Variants in CUL3 observed in about 807,000 individuals in gnomAD.
The protein encoded by CUL3 is cullin-3.
Under a neutral mutation model 89.1 loss-of-function variants are expected in CUL3, and 19 were observed. The ratio of observed to expected loss-of-function variants is 0.21; its 90% CI spans 0.15 to 0.31. The LOEUF is 0.31. CUL3 is among the 10% of genes least tolerant of loss of function. The probability of loss-of-function intolerance (pLI) is 1.00; values close to 1 mark genes in which losing one functional copy is unlikely to be tolerated. For synonymous variants in CUL3, 351 were observed against 308.4 expected, an observed-to-expected ratio of 1.14 and a Z score of -1.45; for missense variants, 469 against 942.3, an observed-to-expected ratio of 0.50 and a Z score of 6.58.
At chr2:224,490,428 C>G (rs985899898) in intron 13 of CUL3, among the ~76,000 whole-genome samples, 2 of 152,072 alleles carry the variant, frequency 1.3e-5, no homozygotes, top group Non-Finnish European at 2.9e-5. Flanking sequence ...ACACTCCTTA[C>G]CCTGCCCCTT....
intron 10 of CUL3, among the ~76,000 whole-genome samples, chr2:224,501,791 A>G (rs1392026011): frequency 6.6e-6 from 1 of 152,216 alleles, no homozygotes; most frequent in Non-Finnish European, 1.5e-5. Context: ...TGGACAGTCC[A>G]TCCATCCCAT....
At chr2:224,526,269 T>C (rs533442708) in intron 3 of CUL3, among the ~76,000 whole-genome samples, 1 of 152,300 alleles carries the variant, frequency 6.6e-6, no homozygotes, top group East Asian at 1.9e-4. Context: ...TACAAGTTCA[T>C]TCCCTTTACT....
chr2:224,556,696 T>C (rs1694719211), intron 2 of CUL3, among the ~76,000 whole-genome samples: 1 of 152,196 alleles, frequency 6.6e-6, no homozygotes, highest in African/African-American at 2.4e-5. Flanking sequence ...AACTGCCTGA[T>C]TTTGATCATT....
intron 2 of CUL3, among the ~76,000 whole-genome samples, chr2:224,538,673 G>A (rs978601083): frequency 2.0e-5 from 3 of 152,196 alleles, no homozygotes; most frequent in Non-Finnish European, 4.4e-5. Context: ...TGGAATTTGA[G>A]GGGAGAGACA....
chr2:224,567,493 A>G (rs1695071330), intron 1 of CUL3, among the ~76,000 whole-genome samples: 1 of 152,038 alleles, frequency 6.6e-6, no homozygotes. Flanking sequence ...TAATCCCAGC[A>G]CCTTGGGAGG....
chr2:224,509,865 C>T (rs1296863898), intron 6 of CUL3, among the ~76,000 whole-genome samples: 2 of 152,164 alleles, frequency 1.3e-5, no homozygotes, highest in Non-Finnish European at 2.9e-5. Flanking sequence ...CCCAGTCTAC[C>T]AGAGACCACT....
rs149624499 is a variant in CUL3 at position 224,546,086 on chromosome 2, A to G, written c.265-10445T>C. 4.8e-3 allele frequency among the ~76,000 whole-genome samples: 726 copies of G among 152,318 alleles called. 7 individuals are homozygous for G. The highest frequency in any genetic ancestry group is 0.015 in the African/African-American group (620 of 41,584). On this transcript the variant is annotated intron_variant, in intron 2 of 15. Transcript: ENST00000264414. Reference sequence around the variant, plus strand: ...AAAGGAATGCAGAAAGAAAAATGACAGTACACCACAGAAAAACACCACTAT... The same window carrying G: ...AAAGGAATGCAGAAAGAAAAATGACGGTACACCACAGAAAAACACCACTAT...
intron 1 of CUL3, chr2:224,560,461 C>T (rs142072182): frequency 1.2e-4 from 19 of 152,910 alleles, no homozygotes; most frequent in African/African-American, 4.1e-4. Context: ...CAGAACTCCT[C>T]ATCTTTTCCC....
intron 9 of CUL3, 62 bp from the exon 10 acceptor site, chr2:224,503,134 G>GA (rs1473670829): frequency 1.9e-6 from 2 of 1,048,122 alleles, no homozygotes; most frequent in Non-Finnish European, 2.9e-6. Context: ...AGAAAGTACA[G>GA]AAAGAAATAA....
chr2:224,529,842 G>A (rs933286522), intron 3 of CUL3, among the ~76,000 whole-genome samples: 1 of 152,060 alleles, frequency 6.6e-6, no homozygotes, highest in Non-Finnish European at 1.5e-5. Context: ...TTGAACAATC[G>A]TTACCTCCAT....
At chr2:224,570,016 T>A (rs1441546691) in intron 1 of CUL3, among the ~76,000 whole-genome samples, 1 of 150,444 alleles carries the variant, frequency 6.6e-6, no homozygotes, top group African/African-American at 2.4e-5. Flanking sequence ...CAGTATTTTT[T>A]AAATCTGATA....
At chr2:224,578,533 T>C (rs1218589335) in intron 1 of CUL3, among the ~76,000 whole-genome samples, 2 of 152,126 alleles carry the variant, frequency 1.3e-5, no homozygotes, top group African/African-American at 4.8e-5. Flanking sequence ...ATATACATCA[T>C]TGTTATAATT....
chr2:224,507,361 C>T (rs1450027321), intron 6 of CUL3, among the ~76,000 whole-genome samples: 10 of 152,066 alleles, frequency 6.6e-5, no homozygotes, highest in Non-Finnish European at 7.4e-5. Context: ...TCCTACATAA[C>T]TCTAATGCAG....
Position 224,509,880 on chromosome 2 carries a change from G to A in CUL3, c.883+1474C>T, listed in dbSNP as rs1283827325. On this transcript the variant is annotated intron_variant, in intron 6 of 15. Coordinates refer to ENST00000264414, the MANE Select transcript of CUL3 (RefSeq NM_003590.5). ...CCCAGTCTACCAGAGACCACTTAGA[G>A]AAGGGTCATCGAATTAGAACCCGTG... Among the ~76,000 whole-genome samples, 9 of 152,332 alleles carry A rather than the reference G, an allele frequency of 5.9e-5. No individual in the cohort carries two copies. The East Asian group carries it at 1.2e-3, about 20-fold the overall frequency.
intron 4 of CUL3, 49 bp downstream of exon 4, chr2:224,514,563 G>C (rs373097864): frequency 1.4e-6 from 2 of 1,466,380 alleles, no homozygotes; most frequent in Non-Finnish European, 1.9e-6. Context: ...TCGTTCTCAA[G>C]ATATAATCAC....
chr2:224,477,047 T>C (rs1034544815), intron 15 of CUL3, among the ~76,000 whole-genome samples: 1 of 151,920 alleles, frequency 6.6e-6, no homozygotes, highest in Non-Finnish European at 1.5e-5. Flanking sequence ...AAAGTGTTTA[T>C]TCAACTTGGT....
chr2:224,526,817 CAAA>C (rs75099076), intron 3 of CUL3, among the ~76,000 whole-genome samples: 2 of 74,566 alleles, frequency 2.7e-5, no homozygotes. Flanking sequence ...ACTAAGTCTC[CAAA>C]AAAAAAAAAA....
rs1691125010 is a variant in CUL3 at position 224,471,405 on chromosome 2, A to C, written c.*2840T>G. 2 of 198,696 alleles carry C rather than the reference A, an allele frequency of 1.0e-5. No homozygotes were observed. Among genetic ancestry groups the C allele is most frequent in the Admixed American group, 6.0e-5 (1 of 16,546 alleles). The allele number at this position is 198,696 out of a possible 1,614,324, so 12.3% of individuals were successfully genotyped here. On this transcript the variant is annotated 3_prime_UTR_variant, in exon 16 of 16. Coordinates refer to ENST00000264414, the MANE Select transcript of CUL3 (RefSeq NM_003590.5). The stretch of plus-strand genomic sequence containing the variant: ...GAATTAAATAATATTTAGAAACCTA[A>C]GATGATGCCAGTGTACTAGTCTTCT...
intron 1 of CUL3, chr2:224,569,708 AT>A: frequency 8.2e-7 from 1 of 1,214,728 alleles, no homozygotes; most frequent in South Asian, 1.4e-5. Flanking sequence ...AGGTTCTGTG[AT>A]TACTGAGAGA....
Sources: gnomAD v4.1 joint callset for allele counts (sites outside exome capture counted in the v4.1 genomes callset) on GRCh38, gnomAD v4.1.1 for gene constraint, MANE v1.5 for transcripts, NCBI Gene and HGNC (gene_info 2026-07-23, HGNC 2026-07-21) for gene names.